Variants in ATRN observed in about 807,000 individuals in gnomAD.
ATRN encodes attractin-2.
A neutral mutation model predicts 178.7 loss-of-function variants in ATRN; 54 were observed. The observed-to-expected ratio is 0.30, with a 90% confidence interval of 0.24 to 0.38. The LOEUF (loss-of-function observed/expected upper bound fraction) is 0.38. Among genes scored for constraint, ATRN ranks in the 10% least tolerant of loss-of-function variants. The probability of loss-of-function intolerance (pLI) is 1.00; values close to 1 mark genes in which losing one functional copy is unlikely to be tolerated. For synonymous variants in ATRN, 636 were observed against 663.0 expected, an observed-to-expected ratio of 0.96 and a Z score of 0.63; for missense variants, 1,443 against 1,815.1, an observed-to-expected ratio of 0.79 and a Z score of 3.73.
At chr20:3,625,555 T>C (rs180945595) in intron 25 of ATRN, among the ~76,000 whole-genome samples, 64 of 152,336 alleles carry the variant, frequency 4.2e-4, no homozygotes, top group Admixed American at 3.9e-3. Flanking sequence ...CTTGCTGATG[T>C]ACCTTTAGAA....
chr20:3,518,619 A>G (rs1022549796), intron 1 of ATRN, among the ~76,000 whole-genome samples: 9 of 152,222 alleles, frequency 5.9e-5, no homozygotes, highest in Non-Finnish European at 1.3e-4. Flanking sequence ...TTAAAGCTCA[A>G]TAAAACTCTT....
Position 3,471,451 on chromosome 20 carries a change from C to G in ATRN, c.344C>G (p.Thr115Ser), listed in dbSNP as rs575827510. 4 of 1,435,138 alleles carry G rather than the reference C, an allele frequency of 2.8e-6. No individual in the cohort carries two copies. In the South Asian group the frequency reaches 5.8e-5, roughly 21 times the overall value. The allele number at this position is 1,435,138 out of a possible 1,614,324, so 88.9% of individuals were successfully genotyped here. ...CVNGGRCNPG[T>S]GQCVCPAGWV... is the part of the protein sequence containing the mutation. ...AACGGCGGTCGCTGCAACCCTGGCA[C>G]CGGCCAGTGCGTCTGCCCCGCCGGC... is the stretch of plus-strand genomic sequence containing the variant. The change falls in exon 1 of 29, where the codon ACC becomes AGC. Residue 115 changes from threonine (T) to serine (S), a missense_variant. By Grantham distance (58) the Thr-to-Ser change is moderately conservative (BLOSUM62 1). Transcript: ENST00000262919.
At chr20:3,576,691 G>GTCTGTCTGTCTGTCTATCTATCTA (rs1812739750) in intron 13 of ATRN, among the ~76,000 whole-genome samples, 168 bp from the exon 14 acceptor site, 3 of 55,894 alleles carry the variant, frequency 5.4e-5, no homozygotes, top group Non-Finnish European at 1.2e-4. Flanking sequence ...CTGTCTGTCT[G>GTCTGTCTGTCTGTCTATCTATCTA]TCTGTCTATC....
In ATRN at chr20:3,620,219, AGTTTTGTTTTGTTTTGTTTTGTTTT is replaced by A. The variant is rs58441132; in HGVS notation, c.3802-4270_3802-4246del. Among the ~76,000 whole-genome samples, 26 of 148,480 alleles carry A rather than the reference AGTTTTGTTTTGTTTTGTTTTGTTTT, an allele frequency of 1.8e-4. No individual in the cohort carries two copies. In the Middle Eastern group the frequency reaches 0.01, roughly 59 times the overall value. ...TGTCCAGGGAAAGGAGCACAGGAGG[AGTTTTGTTTTGTTTTGTTTTGTTTT>A]GTTTTGTTTTGTTTTGTTTTGAGAC... On this transcript the variant is annotated intron_variant, in intron 24 of 28. Coordinates refer to ENST00000262919, the MANE Select transcript of ATRN (RefSeq NM_139321.3).
intron 4 of ATRN, 26 bp from the exon 5 acceptor site, chr20:3,547,258 T>G: frequency 6.4e-7 from 1 of 1,561,108 alleles, no homozygotes; most frequent in South Asian, 1.1e-5. Flanking sequence ...GTTGTGTTAA[T>G]GTAATTTTCC....
At chr20:3,500,264 A>G (rs1392101576) in intron 1 of ATRN, among the ~76,000 whole-genome samples, 1 of 152,192 alleles carries the variant, frequency 6.6e-6, no homozygotes, top group African/African-American at 2.4e-5. Context: ...ACCATTGTGG[A>G]AGTCAGTATG....
rs1416972260 is a variant in ATRN, at chr20:3,596,364, T to C, written c.3417-13T>C. The C allele has an allele frequency of 6.2e-7, 1 of 1,611,174 alleles. No individual in the cohort carries two copies. Among genetic ancestry groups the C allele is most frequent in the East Asian group, 2.2e-5 (1 of 44,842 alleles). On this transcript the variant is annotated splice_polypyrimidine_tract_variant and intron_variant, in intron 20 of 28. Transcript: ENST00000262919. Reference sequence around the variant, plus strand: ...TTAAATAGCAGTATAAAATAGTCTTTTTTCCCCCCCAGATGTGAGGTAGAA... The same window carrying C: ...TTAAATAGCAGTATAAAATAGTCTTCTTTCCCCCCCAGATGTGAGGTAGAA...
rs2086921965 is a variant in ATRN, at chr20:3,624,582, C to T, written c.3863+10C>T. On this transcript the variant is annotated intron_variant, in intron 25 of 28. Coordinates refer to ENST00000262919, the MANE Select transcript of ATRN (RefSeq NM_139321.3). The stretch of plus-strand genomic sequence containing the variant: ...TCGTGACTTTCTTCAGGTAATTTTG[C>T]TTATACAGACTCTCTCTGTTCTTTT... 6.2e-7 allele frequency: 1 copy of T among 1,605,716 alleles called. No individual in the cohort carries two copies. The highest frequency in any genetic ancestry group is 1.7e-5 in the Admixed American group (1 of 59,928).
At chr20:3,492,168 AGTGTGTGTGTGTGT>A (rs58489496) in intron 1 of ATRN, among the ~76,000 whole-genome samples, 1 of 140,588 alleles carries the variant, frequency 7.1e-6, no homozygotes, top group Non-Finnish European at 1.5e-5. Context: ...TAGATAGGGG[AGTGTGTGTGTGTGT>A]GTGTGTGTGT....
intron 18 of ATRN, among the ~76,000 whole-genome samples, chr20:3,589,289 C>G (rs1447300176): frequency 6.6e-6 from 1 of 152,102 alleles, no homozygotes; most frequent in Admixed American, 6.5e-5. Flanking sequence ...TGAGCCACCA[C>G]GCCCGGCCAG....
intron 18 of ATRN, among the ~76,000 whole-genome samples, chr20:3,589,117 G>A (rs1434976765): frequency 6.6e-6 from 1 of 151,086 alleles, no homozygotes; most frequent in Non-Finnish European, 1.5e-5. Flanking sequence ...CAAGTAGCTG[G>A]GACTACAGGC....
At chr20:3,548,846 C>G (rs752994348) in intron 5 of ATRN, among the ~76,000 whole-genome samples, 1 of 152,050 alleles carries the variant, frequency 6.6e-6, no homozygotes, top group Non-Finnish European at 1.5e-5. Flanking sequence ...TGAGGGATAA[C>G]TGTATATTTT....
chr20:3,618,126 G>A (rs2086867678), intron 24 of ATRN, among the ~76,000 whole-genome samples: 1 of 152,120 alleles, frequency 6.6e-6, no homozygotes, highest in Non-Finnish European at 1.5e-5. Flanking sequence ...ATATCCCAGA[G>A]AGTCATGTCC....
chr20:3,641,971 G>A (rs2087072627), intron 27 of ATRN, among the ~76,000 whole-genome samples: 1 of 152,126 alleles, frequency 6.6e-6, no homozygotes, highest in African/African-American at 2.4e-5. Context: ...AATATTTGTG[G>A]GTTAAAAAAT....
intron 2 of ATRN, among the ~76,000 whole-genome samples, chr20:3,536,507 G>A (rs1259317742): frequency 1.3e-5 from 2 of 152,034 alleles, no homozygotes; most frequent in South Asian, 2.1e-4. Flanking sequence ...CACTGCACCC[G>A]GCCCCAAATA....
Position 3,471,393 on chromosome 20 carries a change from G to T in ATRN, c.286G>T (p.Ala96Ser). 6.7e-7 allele frequency: 1 copy of T among 1,488,708 alleles called. No individual in the cohort carries two copies. Among genetic ancestry groups the T allele is most frequent in the Non-Finnish European group, 8.9e-7 (1 of 1,127,818 alleles). The allele number at this position is 1,488,708 out of a possible 1,614,324, so 92.2% of individuals were successfully genotyped here. Residue 96 changes from alanine (A) to serine (S), a missense_variant, in exon 1 of 29, where the codon GCC (alanine) becomes TCC (serine). By Grantham distance (99) the Ala-to-Ser change is moderately conservative (BLOSUM62 1). Transcript: ENST00000262919. ...GGCGGCGGTGTCGGGCTCAGCCGCA[G>T]CCGAGGCCAAGGAATGTGACCGGCC... The part of the protein sequence containing the change: ...AAAAVSGSAA[A>S]EAKECDRPCV...
At chr20:3,514,279 A>G (rs925185150) in intron 1 of ATRN, among the ~76,000 whole-genome samples, 13 of 152,350 alleles carry the variant, frequency 8.5e-5, no homozygotes, top group Admixed American at 1.3e-4. Flanking sequence ...TCACCAGTCA[A>G]TTCTTCCCAA....
Position 3,650,549 on chromosome 20 carries a change from C to T in ATRN, c.*3702C>T, listed in dbSNP as rs995141268. On this transcript the variant is annotated 3_prime_UTR_variant, in exon 29 of 29. Transcript: ENST00000262919. ...CTTCTGAAATGTTTACCCCATTGAC[C>T]AAACTTGGCTCCAGCCATTGCGGTG... 1 of 152,272 alleles carries T rather than the reference C, an allele frequency of 6.6e-6. No individual in the cohort carries two copies. Among genetic ancestry groups the T allele is most frequent in the Non-Finnish European group, 1.5e-5 (1 of 68,040 alleles). The allele number at this position is 152,272 out of a possible 1,614,324, so 9.4% of individuals were successfully genotyped here. A position where few individuals can be genotyped will look rare whatever the true frequency, so the allele number is the denominator to read the frequency against.
intron 1 of ATRN, chr20:3,489,964 C>G (rs2084762755): frequency 2.9e-6 from 3 of 1,033,028 alleles, no homozygotes; most frequent in Non-Finnish European, 4.6e-6. Flanking sequence ...TCTTGCTCTT[C>G]TCCTGTCCTT....
Sources: gnomAD v4.1 joint callset for allele counts (sites outside exome capture counted in the v4.1 genomes callset) on GRCh38, gnomAD v4.1.1 for gene constraint, MANE v1.5 for transcripts, NCBI Gene and HGNC (gene_info 2026-07-23, HGNC 2026-07-21) for gene names.